Variants in CNBD1 observed in about 807,000 individuals in gnomAD.
CNBD1 encodes cyclic nucleotide-binding domain-containing protein 1.
CNBD1 carries 71 observed loss-of-function variants against 54.4 expected under a neutral mutation model. That is an observed-to-expected ratio of 1.30 (90% CI 1.08 to 1.59). The LOEUF (loss-of-function observed/expected upper bound fraction) is 1.59. Among genes scored for constraint, CNBD1 ranks in the 40% most tolerant of loss-of-function variants. The pLI, the probability that CNBD1 is intolerant of heterozygous loss-of-function variation, is 0.00. For missense variants in CNBD1, 659 were observed against 518.0 expected, an observed-to-expected ratio of 1.27 and a Z score of -2.64; for synonymous variants, 182 against 170.7, an observed-to-expected ratio of 1.07 and a Z score of -0.51.
At chr8:87,299,791 A>G (rs755692417) in intron 8 of CNBD1, among the ~76,000 whole-genome samples, 4 of 151,364 alleles carry the variant, frequency 2.6e-5, no homozygotes, top group Admixed American at 1.3e-4. Flanking sequence ...GGGAACACAT[A>G]GTGGTAGGAT....
chr8:87,252,636 A>G (rs1367550791), intron 6 of CNBD1, among the ~76,000 whole-genome samples: 3 of 152,178 alleles, frequency 2.0e-5, no homozygotes, highest in Middle Eastern at 3.2e-3. Context: ...CAAATTTAAA[A>G]TCTAGTATAT....
At chr8:87,331,650 A>T (rs2130910672) in intron 8 of CNBD1, among the ~76,000 whole-genome samples, 1 of 152,300 alleles carries the variant, frequency 6.6e-6, no homozygotes, top group East Asian at 1.9e-4. Context: ...TGTCTTCCAC[A>T]ATGGTTGAAT....
At chr8:87,104,195 G>A (rs149060122) in intron 4 of CNBD1, among the ~76,000 whole-genome samples, 2 of 152,316 alleles carry the variant, frequency 1.3e-5, no homozygotes, top group Non-Finnish European at 2.9e-5. Context: ...TAAAAATGTT[G>A]TCATGGACTG....
chr8:87,279,189 T>C (rs1808540689), intron 6 of CNBD1, among the ~76,000 whole-genome samples: 1 of 151,456 alleles, frequency 6.6e-6, no homozygotes, highest in African/African-American at 2.4e-5. Flanking sequence ...CTTCCATGCA[T>C]AATGAGGGAC....
At chr8:86,897,567 C>T (rs1808865725) in intron 2 of CNBD1, among the ~76,000 whole-genome samples, 1 of 152,158 alleles carries the variant, frequency 6.6e-6, no homozygotes, top group African/African-American at 2.4e-5. Flanking sequence ...CCCAAGAATG[C>T]AGATAGTGAG....
At chr8:87,282,747 G>C (rs1402311400) in intron 6 of CNBD1, among the ~76,000 whole-genome samples, 2 of 151,768 alleles carry the variant, frequency 1.3e-5, no homozygotes, top group East Asian at 3.9e-4. Flanking sequence ...CTTTCATAAT[G>C]GCTTATTAGG....
At position 87,332,385 on chromosome 8, in the gene CNBD1, T is replaced by C. The variant is rs1053407201; in HGVS notation, c.1043-19300T>C. Among the ~76,000 whole-genome samples the C allele has an allele frequency of 2.6e-5, 4 of 152,040 alleles. No individual in the cohort carries two copies. In the East Asian group the frequency reaches 5.8e-4, roughly 22 times the overall value. On this transcript the variant is annotated intron_variant, in intron 8 of 10. Coordinates refer to ENST00000518476, the MANE Select transcript of CNBD1 (RefSeq NM_173538.3). The stretch of plus-strand genomic sequence containing the variant: ...AAAAAAAGAAACTCTTTAGTTTAAT[T>C]AGGTCCCATTTGTCAGTTTTAGCGT...
At chr8:87,160,328 T>A (rs1233848242) in intron 4 of CNBD1, among the ~76,000 whole-genome samples, 4 of 152,050 alleles carry the variant, frequency 2.6e-5, no homozygotes, top group Non-Finnish European at 5.9e-5. Context: ...ATAAAGCTTT[T>A]ATCTGCTTTT....
chr8:87,303,366 G>A (rs1222773754), intron 8 of CNBD1, among the ~76,000 whole-genome samples: 1 of 151,916 alleles, frequency 6.6e-6, no homozygotes, highest in Non-Finnish European at 1.5e-5. Flanking sequence ...TGACAAATCT[G>A]AGAAAAACAA....
chr8:87,009,808 C>G (rs1809178396), intron 4 of CNBD1, among the ~76,000 whole-genome samples: 1 of 152,126 alleles, frequency 6.6e-6, no homozygotes, highest in African/African-American at 2.4e-5. Context: ...TTATCTTAAG[C>G]ATCTTCATTT....
rs372790999 is a variant in CNBD1, at chr8:87,425,054, G to A, written c.214-3492G>A. Among the ~76,000 whole-genome samples, 114 of 151,578 alleles carry A rather than the reference G, an allele frequency of 7.5e-4. 1 individual carries two copies. The East Asian group carries it at 0.017, about 22-fold the overall frequency. On this transcript the variant is annotated intron_variant, in intron 2 of 7. Coordinates refer to the CNBD1 transcript ENST00000521593. ...CTTTTTTCTCTAAACTTTCCTTCTC[G>A]CTTCATTTCATTCATTTCATCTTCC... is the stretch of plus-strand genomic sequence containing the variant.
At chr8:87,079,357 A>C (rs1204108083) in intron 4 of CNBD1, among the ~76,000 whole-genome samples, 2 of 152,128 alleles carry the variant, frequency 1.3e-5, no homozygotes, top group East Asian at 1.9e-4. Flanking sequence ...ATTGTATAGA[A>C]GGAGTAATTT....
At chr8:87,064,105 A>T (rs1318754797) in intron 4 of CNBD1, among the ~76,000 whole-genome samples, 1 of 151,964 alleles carries the variant, frequency 6.6e-6, no homozygotes, top group African/African-American at 2.4e-5. Context: ...CATTGTTACT[A>T]CACTGGCTTC....
intron 6 of CNBD1, among the ~76,000 whole-genome samples, chr8:87,253,070 G>A (rs994558787): frequency 1.3e-5 from 2 of 152,106 alleles, no homozygotes; most frequent in African/African-American, 4.8e-5. Context: ...AGAAGAGAAA[G>A]AAAGCAGAGG....
chr8:87,015,358 T>C (rs776086756), intron 4 of CNBD1, among the ~76,000 whole-genome samples: 2 of 152,062 alleles, frequency 1.3e-5, no homozygotes, highest in African/African-American at 2.4e-5. Context: ...AACTTTTTTT[T>C]GTATTTTTAG....
At chr8:87,332,266 T>G (rs952011312) in intron 8 of CNBD1, among the ~76,000 whole-genome samples, 1 of 151,852 alleles carries the variant, frequency 6.6e-6, no homozygotes, top group African/African-American at 2.4e-5. Context: ...GAGAATCGCT[T>G]GAACGCAGGA....
intron 5 of CNBD1, among the ~76,000 whole-genome samples, chr8:87,222,824 T>C (rs907000677): frequency 2.0e-5 from 3 of 152,188 alleles, no homozygotes; most frequent in East Asian, 1.9e-4. Context: ...TGTTCATTAA[T>C]AGAAGTATAG....
At chr8:86,956,845 A>G (rs200736324) in intron 4 of CNBD1, among the ~76,000 whole-genome samples, 3 of 152,134 alleles carry the variant, frequency 2.0e-5, no homozygotes, top group Non-Finnish European at 2.9e-5. Context: ...TGATTGCCCT[A>G]GCCAGAACTT....
chr8:87,036,587 G>A (rs571608835), intron 4 of CNBD1, among the ~76,000 whole-genome samples: 4 of 94,630 alleles, frequency 4.2e-5, no homozygotes, highest in South Asian at 7.7e-4. Flanking sequence ...GAGCGAGACT[G>A]CATCTCTAAA....
Sources: allele counts gnomAD v4.1 joint callset (sites outside exome capture counted in the v4.1 genomes callset), GRCh38; gene constraint gnomAD v4.1.1; transcripts MANE v1.5; gene names NCBI Gene and HGNC (gene_info 2026-07-23, HGNC 2026-07-21).